RGS6: variants seen among roughly 807,000 people sequenced by gnomAD.
RGS6 encodes the protein regulator of G protein signaling 6.
Under a neutral mutation model 78.5 loss-of-function variants are expected in RGS6, and 30 were observed. That is an observed-to-expected ratio of 0.38 (90% CI 0.29 to 0.52). RGS6 has a LOEUF of 0.52. RGS6 is among the 20% of genes least tolerant of loss of function. RGS6 has a pLI of 0.85. For synonymous variants in RGS6, 206 were observed against 206.0 expected, an observed-to-expected ratio of 1.00 and a Z score of 0.00; for missense variants, 495 against 609.7, an observed-to-expected ratio of 0.81 and a Z score of 1.98.
chr14:71,910,194 C>T, the RGS6 span, among the ~76,000 whole-genome samples: 48 of 81,198 alleles, frequency 5.9e-4, no homozygotes, highest in Non-Finnish European at 1.1e-3. Context: ...TGTCTTAAAA[C>T]AAAAACAAAA....
In RGS6 at chr14:72,003,983, TACTTTGCCAA is replaced by T. The variant is rs372735824; in HGVS notation, c.84+39116_84+39125del. On this transcript the variant is annotated intron_variant, in intron 2 of 17. Transcript: ENST00000553525. ...GCTGAGGGGTGAAATGCTCAGTCCA[TACTTTGCCAA>T]ACTTTGCTCTCCACTGGAATCACCT... Among the ~76,000 whole-genome samples, 112 of 152,320 alleles carry T rather than the reference TACTTTGCCAA, an allele frequency of 7.4e-4. 1 individual carries two copies. The Middle Eastern group carries it at 0.01, about 14-fold the overall frequency.
chr14:71,912,257 T>G, the RGS6 span, among the ~76,000 whole-genome samples: 2 of 152,306 alleles, frequency 1.3e-5, no homozygotes, highest in African/African-American at 2.4e-5. Context: ...AAGTATATAA[T>G]GGGGCATATC....
chr14:72,106,236 AAC>A (rs2153535830), intron 2 of RGS6, among the ~76,000 whole-genome samples: 1 of 152,346 alleles, frequency 6.6e-6, no homozygotes, highest in African/African-American at 2.4e-5. Context: ...TGAGAAATTA[AAC>A]ACAGACTCAA....
intron 3 of RGS6, among the ~76,000 whole-genome samples, chr14:72,442,384 C>T (rs562851909): frequency 3.3e-5 from 5 of 152,248 alleles, no homozygotes; most frequent in Non-Finnish European, 7.3e-5. Flanking sequence ...TCTCTTTTCA[C>T]TGTTTCCCAT....
At chr14:72,274,763 C>A (rs2060431184) in intron 2 of RGS6, among the ~76,000 whole-genome samples, 3 of 152,154 alleles carry the variant, frequency 2.0e-5, no homozygotes, top group Non-Finnish European at 4.4e-5. Context: ...CTAGACCAAG[C>A]AAGGAAGTGG....
chr14:72,074,525 T>G (rs1451437528), intron 2 of RGS6, among the ~76,000 whole-genome samples: 1 of 152,188 alleles, frequency 6.6e-6, no homozygotes, highest in Non-Finnish European at 1.5e-5. Flanking sequence ...AACTGGAAAC[T>G]AGCACCTTTA....
At chr14:72,600,386 C>T in the RGS6 span, among the ~76,000 whole-genome samples, 6 of 151,918 alleles carry the variant, frequency 3.9e-5, no homozygotes, top group African/African-American at 1.2e-4. Context: ...CCCTACTTCC[C>T]TGACGAACAT....
In RGS6 at chr14:72,547,383, G is replaced by A. The variant is rs562418976; in HGVS notation, c.1422+7289G>A. On this transcript the variant is annotated intron_variant, in intron 17 of 17. Transcript: ENST00000553525. Reference sequence around the variant, plus strand: ...AGGCTAAGAAGTAAGACCCCCCCCCGACCCATGGAAGTCCCCCCAAAATGA... The same window carrying A: ...AGGCTAAGAAGTAAGACCCCCCCCCAACCCATGGAAGTCCCCCCAAAATGA... 9.1e-4 allele frequency: 1,298 copies of A among 1,426,016 alleles called. 3 individuals are homozygous for A. Among genetic ancestry groups the A allele is most frequent in the South Asian group, 1.4e-3 (115 of 80,234 alleles). 88.3% of individuals were successfully genotyped at this position (1,426,016 alleles called of 1,614,324 possible).
intron 2 of RGS6, among the ~76,000 whole-genome samples, chr14:72,096,271 ACT>A (rs759653565): frequency 1.5e-4 from 22 of 147,754 alleles, no homozygotes; most frequent in Admixed American, 2.0e-4. Context: ...ACAGAGTGAG[ACT>A]CTGTCTTAAA....
the RGS6 span, among the ~76,000 whole-genome samples, chr14:71,906,791 G>GTATATGCTGAAAAGCATAATACTTTTTA: frequency 6.6e-6 from 1 of 151,868 alleles, no homozygotes; most frequent in Non-Finnish European, 1.5e-5. Flanking sequence ...GGTCAGATCA[G>GTATATGCTGAAAAGCATAATACTTTTTA]TTTATGCTGA....
intron 2 of RGS6, among the ~76,000 whole-genome samples, chr14:71,981,518 C>A (rs4899410): frequency 1.5e-4 from 23 of 151,304 alleles, no homozygotes; most frequent in Middle Eastern, 6.9e-3. Flanking sequence ...AATACCCGGC[C>A]GTGTGAGGTG....
intron 3 of RGS6, among the ~76,000 whole-genome samples, chr14:72,438,295 T>A (rs2095033062): frequency 1.3e-5 from 2 of 152,004 alleles, no homozygotes; most frequent in South Asian, 4.2e-4. Context: ...GCCCCTCTTC[T>A]CTCTCTGCAT....
At chr14:72,596,579 G>T in the RGS6 span, among the ~76,000 whole-genome samples, 9 of 152,076 alleles carry the variant, frequency 5.9e-5, no homozygotes, top group African/African-American at 2.2e-4. Flanking sequence ...AGCAAAAAAA[G>T]TTCAGGAAAT....
chr14:72,428,052 G>A (rs1247656083), intron 3 of RGS6, among the ~76,000 whole-genome samples: 1 of 152,190 alleles, frequency 6.6e-6, no homozygotes, highest in South Asian at 2.1e-4. Context: ...AGACCAAGCG[G>A]TAAAGGGATC....
chr14:72,334,950 T>C (rs1396960116), intron 2 of RGS6, among the ~76,000 whole-genome samples: 1 of 152,152 alleles, frequency 6.6e-6, no homozygotes, highest in East Asian at 1.9e-4. Flanking sequence ...CCAAATCTCA[T>C]CTTGAATTGT....
intron 2 of RGS6, among the ~76,000 whole-genome samples, chr14:72,081,861 T>C (rs933051097): frequency 5.3e-5 from 8 of 152,120 alleles, no homozygotes; most frequent in African/African-American, 1.9e-4. Flanking sequence ...CGTAATTTTT[T>C]ACTTTTTTTT....
In RGS6 at chr14:72,446,049, A is replaced by C. The variant is rs376959051; in HGVS notation, c.185-8479A>C. On this transcript the variant is annotated intron_variant, in intron 3 of 17. Coordinates refer to ENST00000553525, the MANE Select transcript of RGS6 (RefSeq NM_001204424.2). ...CAAGGCAGGAGGATCACTTCAGCCC[A>C]GAAGTTAGAGACCAGCCTGAGTAAC... Among the ~76,000 whole-genome samples the C allele has an allele frequency of 5.3e-5, 8 of 152,334 alleles. No homozygotes were observed. The South Asian group carries it at 1.5e-3, about 28-fold the overall frequency.
At chr14:72,218,563 A>G (rs1372073482) in intron 2 of RGS6, among the ~76,000 whole-genome samples, 4 of 152,110 alleles carry the variant, frequency 2.6e-5, no homozygotes, top group African/African-American at 7.2e-5. Context: ...TTTTCAACCC[A>G]TCAATACATA....
At chr14:72,502,614 A>G (rs1233652036) in intron 13 of RGS6, among the ~76,000 whole-genome samples, 1 of 152,090 alleles carries the variant, frequency 6.6e-6, no homozygotes, top group African/African-American at 2.4e-5. Context: ...AAATACAAAA[A>G]TTAGCTGGGC....
Sources: allele counts gnomAD v4.1 joint callset (sites outside exome capture counted in the v4.1 genomes callset), GRCh38; gene constraint gnomAD v4.1.1; transcripts MANE v1.5; gene names NCBI Gene and HGNC (gene_info 2026-07-23, HGNC 2026-07-21).